Variants in ORMDL3 observed in about 807,000 individuals in gnomAD.
ORMDL3 encodes ORMDL sphingolipid biosynthesis regulator 3, also known as ORM1-like protein 3.
A neutral mutation model predicts 12.6 loss-of-function variants in ORMDL3; 6 were observed. The observed-to-expected ratio is 0.48, with a 90% CI of 0.26 to 0.94. The LOEUF (loss-of-function observed/expected upper bound fraction) is 0.94, where lower values mean the gene tolerates loss of function less well. ORMDL3 is among the 40% of genes least tolerant of loss of function. ORMDL3 has a pLI of 0.14. For missense variants in ORMDL3, 159 were observed against 205.5 expected, an observed-to-expected ratio of 0.77 and a Z score of 1.38; for synonymous variants, 99 against 87.2, an observed-to-expected ratio of 1.14 and a Z score of -0.75.
chr17:39,923,799 T>C (rs540453891), intron 2 of ORMDL3, among the ~76,000 whole-genome samples: 1 of 152,086 alleles, frequency 6.6e-6, no homozygotes, highest in Non-Finnish European at 1.5e-5. Flanking sequence ...CCTAGAGATG[T>C]GGAAAAATCT....
Position 39,923,094 on chromosome 17 carries a change from T to A in ORMDL3, c.326+18A>T, listed in dbSNP as rs1488820634. The A allele has an allele frequency of 6.2e-7, 1 of 1,613,996 alleles. No homozygotes were observed. The highest frequency in any genetic ancestry group is 1.1e-5 in the South Asian group (1 of 91,076). Reference sequence around the variant, plus strand: ...CTTGCCCTGCCTGCTGGTGTCTTCCTGTAGCCCAGGCACTCACAGCACGAT... The same window carrying A: ...CTTGCCCTGCCTGCTGGTGTCTTCCAGTAGCCCAGGCACTCACAGCACGAT... On this transcript the variant is annotated intron_variant, in intron 3 of 3. Transcript: ENST00000304046.
chr17:39,924,059 A>C lies in ORMDL3; in HGVS notation c.145T>G (p.Trp49Gly), dbSNP rs1218621997. ...TTGTGAATGAGGTTGGTGAGGGTCC[A>C]GACGACAGGGACACTCACAAACGGG... ...SIPFVSVPVV[W>G]TLTNLIHNMG... The change falls in exon 2 of 4, where the codon TGG becomes GGG. Residue 49 changes from tryptophan to glycine, a missense_variant. By Grantham distance (184) the Trp-to-Gly change is radical. Transcript: ENST00000304046. The C allele has an allele frequency of 6.2e-7, 1 of 1,611,830 alleles. No homozygotes were observed. The highest frequency in any genetic ancestry group is 1.3e-5 in the African/African-American group (1 of 74,908).
In ORMDL3 at chr17:39,922,652, G is replaced by A. The variant is rs752049872; in HGVS notation, c.360C>T (p.Asp120=). 5.0e-6 allele frequency: 8 copies of A among 1,613,846 alleles called. No homozygotes were observed. In the Admixed American group the frequency reaches 6.7e-5, roughly 13 times the overall value. ...YFLTSFYTKY[D]QIHFVLNTVS... Reference sequence around the variant, plus strand: ...CGGTGTTGAGCACAAAATGGATCTGGTCGTACTTAGTGTAGAAGCTGGTGA... The same window carrying A: ...CGGTGTTGAGCACAAAATGGATCTGATCGTACTTAGTGTAGAAGCTGGTGA... Residue 120 remains aspartate (D), a synonymous_variant, in exon 4 of 4, where the codon GAC becomes GAT. Transcript: ENST00000304046.
rs1978301629 is a variant in ORMDL3 at position 39,922,343 on chromosome 17, G to A, written c.*207C>T. On this transcript the variant is annotated 3_prime_UTR_variant, in exon 4 of 4. Coordinates refer to ENST00000304046, the MANE Select transcript of ORMDL3 (RefSeq NM_139280.4). ...GAAAAGATCAAAAAATTCAGAAAAG[G>A]TCAGAGCCCAGGGGGCCTACCCCAA... The A allele has an allele frequency of 1.1e-5, 6 of 561,504 alleles. No individual in the cohort carries two copies. In the South Asian group the frequency reaches 1.1e-4, roughly 10 times the overall value. 34.8% of individuals were successfully genotyped at this position (561,504 alleles called of 1,614,324 possible). A position where few individuals can be genotyped will look rare whatever the true frequency, so the allele number is the denominator to read the frequency against.
At chr17:39,923,286 G>C in intron 2 of ORMDL3, 23 bp from the exon 3 acceptor site, 5 of 1,613,538 alleles carry the variant, frequency 3.1e-6, no homozygotes, top group Non-Finnish European at 4.2e-6. Flanking sequence ...GTCTTTGTTA[G>C]AGGATACAAA....
In ORMDL3 at chr17:39,924,368, G is replaced by C. The variant is rs961950046; in HGVS notation, c.-22-143C>G. 1.3e-5 allele frequency: 10 copies of C among 789,030 alleles called. No homozygotes were observed. In the African/African-American group the frequency reaches 1.6e-4, roughly 12 times the overall value. 48.9% of individuals were successfully genotyped at this position (789,030 alleles called of 1,614,324 possible). A position where few individuals can be genotyped will look rare whatever the true frequency, so the allele number is the denominator to read the frequency against. ...TTTTGATTCTGAAGCATGGAAAGTG[G>C]AGAAAGTCCATGTGGACTTAGCTCT... On this transcript the variant is annotated intron_variant, in intron 1 of 3. Transcript: ENST00000304046.
At chr17:39,927,223 G>C (rs1054090434) in intron 1 of ORMDL3, 3 of 209,482 alleles carry the variant, frequency 1.4e-5, no homozygotes, top group Non-Finnish European at 2.5e-5. Context: ...GCAGCCAAAC[G>C]TTTATCCCCG....
chr17:39,926,967 G>T, intron 1 of ORMDL3: 1 of 985,706 alleles, frequency 1.0e-6, no homozygotes, highest in South Asian at 4.7e-5. Flanking sequence ...CTTTGGCCCA[G>T]CCACCCCGAC....
At chr17:39,924,736 G>A (rs1314064634) in intron 1 of ORMDL3, 1 of 152,892 alleles carries the variant, frequency 6.5e-6, no homozygotes, top group Non-Finnish European at 1.5e-5. Flanking sequence ...ACTATTTTGA[G>A]GTCACTGCAT....
Position 39,922,524 on chromosome 17 carries a change from C to A in ORMDL3, c.*26G>T. The A allele has an allele frequency of 6.2e-7, 1 of 1,609,018 alleles. No individual in the cohort carries two copies. The highest frequency in any genetic ancestry group is 8.5e-7 in the Non-Finnish European group (1 of 1,177,690). ...TTTTACCCTACCCCTCCCCTGCCAC[C>A]CTGGGCAGGGGAAGGGGCTGCACTC... On this transcript the variant is annotated 3_prime_UTR_variant, in exon 4 of 4. Coordinates refer to ENST00000304046, the MANE Select transcript of ORMDL3 (RefSeq NM_139280.4).
At chr17:39,927,427 AC>A (rs1978494573) in intron 1 of ORMDL3, 56 bp downstream of exon 1, 1 of 957,140 alleles carries the variant, frequency 1.0e-6, no homozygotes, top group African/African-American at 2.1e-5. Flanking sequence ...AGCAGCCCCC[AC>A]CTTCTCTCCC....
At chr17:39,926,919 C>A (rs1401936802) in intron 1 of ORMDL3, 14 of 985,928 alleles carry the variant, frequency 1.4e-5, no homozygotes, top group Middle Eastern at 1.0e-3. Flanking sequence ...ATTCCGCCCA[C>A]CCCCCAAGCT....
intron 1 of ORMDL3, chr17:39,925,825 C>G (rs1298221926): frequency 6.6e-6 from 1 of 152,222 alleles, no homozygotes; most frequent in Non-Finnish European, 1.5e-5. Flanking sequence ...ATCAGCGCAG[C>G]CCACTAGGCT....
chr17:39,926,691 T>A (rs1420812471), intron 1 of ORMDL3: 9 of 738,948 alleles, frequency 1.2e-5, no homozygotes, highest in Non-Finnish European at 1.5e-5. Flanking sequence ...TGGCTCCACA[T>A]ACAAATATCC....
At chr17:39,927,361 C>G (rs1191970012) in intron 1 of ORMDL3, 123 bp downstream of exon 1, 4 of 669,098 alleles carry the variant, frequency 6.0e-6, no homozygotes, top group Non-Finnish European at 7.4e-6. Flanking sequence ...GGCTGATGCA[C>G]TCCCTCCACC....
chr17:39,927,493 C>A lies in ORMDL3; in HGVS notation c.-32G>T. On this transcript the variant is annotated 5_prime_UTR_variant, in exon 1 of 4. Coordinates refer to ENST00000304046, the MANE Select transcript of ORMDL3 (RefSeq NM_139280.4). ...TTCCTTCCGGGCTCACCGTGTGGGG[C>A]CGAAGATCAACGGCCCGGGAACGGT... 2.0e-6 allele frequency: 2 copies of A among 985,386 alleles called. No individual in the cohort carries two copies. Among genetic ancestry groups the A allele is most frequent in the Non-Finnish European group, 2.4e-6 (2 of 829,930 alleles). The allele number at this position is 985,386 out of a possible 1,614,324, so 61.0% of individuals were successfully genotyped here.
chr17:39,926,802 C>T, intron 1 of ORMDL3: 1 of 986,268 alleles, frequency 1.0e-6, no homozygotes, highest in Non-Finnish European at 1.2e-6. Flanking sequence ...AAGAGCAGCC[C>T]TCACAACAGC....
At chr17:39,923,409 G>C (rs1049778739) in intron 2 of ORMDL3, 146 bp from the exon 3 acceptor site, 14 of 874,898 alleles carry the variant, frequency 1.6e-5, no homozygotes, top group Non-Finnish European at 7.1e-6. Flanking sequence ...GGTCAGGATG[G>C]AGCAGCTGGG....
At chr17:39,923,484 C>G (rs567092433) in intron 2 of ORMDL3, among the ~76,000 whole-genome samples, 1 of 151,326 alleles carries the variant, frequency 6.6e-6, no homozygotes, top group Non-Finnish European at 1.5e-5. Context: ...TGAGAATGCA[C>G]GGTGGAAGTT....
Sources: gnomAD v4.1 joint callset for allele counts (sites outside exome capture counted in the v4.1 genomes callset) on GRCh38, gnomAD v4.1.1 for gene constraint, MANE v1.5 for transcripts, NCBI Gene and HGNC (gene_info 2026-07-23, HGNC 2026-07-21) for gene names.